PWP1: variants seen among roughly 807,000 people sequenced by gnomAD.
The protein encoded by PWP1 is PWP1 homolog, endonuclein, also known as periodic tryptophan protein 1 homolog.
In PWP1, 47 loss-of-function variants were observed where a neutral mutation model predicts 69.9. The ratio of observed to expected loss-of-function variants is 0.67; its 90% CI spans 0.53 to 0.86. PWP1 has a LOEUF of 0.86. Ranked by LOEUF, PWP1 falls within the 40% of genes least tolerant of loss-of-function variation. The pLI is 0.00. For missense variants in PWP1, 551 were observed against 608.8 expected (o/e 0.91, Z 1.00); for synonymous variants, 222 against 208.2 (o/e 1.07, Z -0.57).
chr12:107,696,741 A>G (rs2287214), intron 6 of PWP1, among the ~76,000 whole-genome samples, 157 bp downstream of exon 6: 44,850 of 152,188 alleles, frequency 0.29, 8,314 homozygotes, highest in Middle Eastern at 0.43. Context: ...TTAACACACC[A>G]TCACTTTATT....
At chr12:107,704,851 A>T (rs1321891820) in intron 11 of PWP1, 104 bp downstream of exon 11, 1 of 953,916 alleles carries the variant, frequency 1.0e-6, no homozygotes, top group Admixed American at 2.3e-5. Context: ...TTTTAACAGT[A>T]TGAAGTATTT....
At chr12:107,703,215 G>A (rs1375270863) in intron 9 of PWP1, among the ~76,000 whole-genome samples, 184 bp downstream of exon 9, 1 of 152,162 alleles carries the variant, frequency 6.6e-6, no homozygotes, top group African/African-American at 2.4e-5. Flanking sequence ...CCATCTTAGA[G>A]ATGAAAAAAT....
chr12:107,694,353 T>C (rs1298443832), intron 5 of PWP1, among the ~76,000 whole-genome samples: 4 of 152,322 alleles, frequency 2.6e-5, no homozygotes, highest in South Asian at 4.1e-4. Context: ...CCTTTTGTTA[T>C]AGGAAACACA....
Position 107,696,582 on chromosome 12 carries a change from C to G in PWP1, c.611C>G (p.Thr204Ser). The part of the protein sequence containing the change: ...LNFDPSPDDS[T>S]GNYIAVGNMT... ...TTTGATCCTAGCCCAGATGATTCTA[C>G]TGGTAATTAGAAAACTTAAGGTTGT... Residue 204 changes from threonine (T) to serine (S), a missense_variant and splice_region_variant, in exon 6 of 15, where the codon ACT (threonine) becomes AGT (serine). Physicochemically the swap from Thr to Ser is moderately conservative, Grantham distance 58 (BLOSUM62 1). Coordinates refer to ENST00000412830, the MANE Select transcript of PWP1 (RefSeq NM_007062.3). 1 of 1,614,000 alleles carries G rather than the reference C, an allele frequency of 6.2e-7. No homozygotes were observed. The highest frequency in any genetic ancestry group is 1.1e-5 in the South Asian group (1 of 91,056).
At chr12:107,688,921 G>A in intron 3 of PWP1, 119 bp downstream of exon 3, 1 of 1,068,944 alleles carries the variant, frequency 9.4e-7, no homozygotes. Flanking sequence ...AAGATAATCT[G>A]GTTGAAGACT....
chr12:107,693,236 G>A, intron 5 of PWP1, 140 bp downstream of exon 5: 1 of 1,282,332 alleles, frequency 7.8e-7, no homozygotes, highest in Non-Finnish European at 1.0e-6. Flanking sequence ...TACACAGGTG[G>A]CCAATTTCTT....
intron 3 of PWP1, among the ~76,000 whole-genome samples, 162 bp downstream of exon 3, chr12:107,688,964 G>GA (rs1202484885): frequency 2.0e-5 from 3 of 152,020 alleles, no homozygotes; most frequent in Non-Finnish European, 2.9e-5. Flanking sequence ...AACTAGTTTA[G>GA]AAGATAAACT....
Position 107,688,464 on chromosome 12 carries a change from A to C in PWP1, c.89A>C (p.Glu30Ala). Reference sequence around the variant, plus strand: ...CTCTTACAGGTAGAGCTGAGTAAAGAAGAAGTAAAACGCCTCATTGCTGAG... The same window carrying C: ...CTCTTACAGGTAGAGCTGAGTAAAGCAGAAGTAAAACGCCTCATTGCTGAG... ...ETPDKVELSKEEVKRLIAEAK... is the reference protein window; with the variant it reads ...ETPDKVELSKAEVKRLIAEAK... Residue 30 changes from glutamate to alanine, a missense_variant, in exon 2 of 15, where the codon GAA (glutamate) becomes GCA (alanine). Coordinates refer to ENST00000412830, the MANE Select transcript of PWP1 (RefSeq NM_007062.3). 4 of 1,614,006 alleles carry C rather than the reference A, an allele frequency of 2.5e-6. No individual in the cohort carries two copies. The highest frequency in any genetic ancestry group is 3.4e-6 in the Non-Finnish European group (4 of 1,180,000).
intron 9 of PWP1, 69 bp downstream of exon 9, chr12:107,703,100 A>C (rs1015413245): frequency 3.1e-5 from 34 of 1,109,210 alleles, no homozygotes; most frequent in Admixed American, 5.5e-5. Context: ...AAATAATCCC[A>C]AACGTTTATA....
rs768581069 is a variant in PWP1 at position 107,710,527 on chromosome 12, C to T, written c.1396+17C>T. ...TCTCTTCAGGTAAGGATTTTTAGTT[C>T]TCTGCACACCTCCCCCTGCCCCTGT... On this transcript the variant is annotated intron_variant, in intron 14 of 14. Coordinates refer to ENST00000412830, the MANE Select transcript of PWP1 (RefSeq NM_007062.3). 3.9e-6 allele frequency: 6 copies of T among 1,519,388 alleles called. No homozygotes were observed. The highest frequency in any genetic ancestry group is 5.4e-6 in the Non-Finnish European group (6 of 1,116,908). The allele number at this position is 1,519,388 out of a possible 1,614,324, so 94.1% of individuals were successfully genotyped here.
chr12:107,691,028 A>G (rs1889470680), intron 3 of PWP1, among the ~76,000 whole-genome samples: 2 of 152,204 alleles, frequency 1.3e-5, no homozygotes, highest in Admixed American at 1.3e-4. Context: ...GGCTCTGGGT[A>G]GAGATGGGAT....
intron 11 of PWP1, 84 bp downstream of exon 11, chr12:107,704,831 G>T: frequency 8.5e-7 from 1 of 1,182,568 alleles, no homozygotes; most frequent in South Asian, 1.3e-5. Flanking sequence ...TATCTGAAAA[G>T]CTTTTTCTGT....
chr12:107,701,762 C>A (rs1224493441), intron 8 of PWP1, among the ~76,000 whole-genome samples: 2 of 152,168 alleles, frequency 1.3e-5, no homozygotes, highest in African/African-American at 4.8e-5. Flanking sequence ...ACTGCACCCC[C>A]CACCTCTGGG....
chr12:107,688,234 C>A (rs200045400), intron 1 of PWP1, among the ~76,000 whole-genome samples: 2 of 151,888 alleles, frequency 1.3e-5, no homozygotes, highest in East Asian at 3.9e-4. Flanking sequence ...GTAGAATGAG[C>A]ATGATTTTTG....
At chr12:107,693,271 TCCA>T (rs2136273891) in intron 5 of PWP1, among the ~76,000 whole-genome samples, 175 bp downstream of exon 5, 1 of 152,286 alleles carries the variant, frequency 6.6e-6, no homozygotes, top group South Asian at 2.1e-4. Context: ...GTATGTGTAG[TCCA>T]GTACATCACT....
At chr12:107,707,083 TG>T (rs1477991681) in intron 11 of PWP1, among the ~76,000 whole-genome samples, 2 of 150,952 alleles carry the variant, frequency 1.3e-5, no homozygotes, top group Non-Finnish European at 3.0e-5. Flanking sequence ...CGTTGAGCAG[TG>T]GTTTGTAGTT....
intron 11 of PWP1, among the ~76,000 whole-genome samples, chr12:107,707,514 TATG>T (rs1889846838): frequency 1.3e-5 from 2 of 152,238 alleles, no homozygotes; most frequent in African/African-American, 4.8e-5. Context: ...GCCCATTCAG[TATG>T]ATATTGGCTG....
intron 11 of PWP1, among the ~76,000 whole-genome samples, chr12:107,707,405 T>C (rs1889844777): frequency 2.0e-5 from 3 of 152,224 alleles, no homozygotes; most frequent in Admixed American, 6.5e-5. Flanking sequence ...TCCTGCCTGA[T>C]TGCCCTGGCC....
At chr12:107,709,089 G>T in intron 12 of PWP1, 22 bp from the exon 13 acceptor site, 9 of 1,613,822 alleles carry the variant, frequency 5.6e-6, no homozygotes, top group Non-Finnish European at 7.6e-6. Context: ...AAGCGAAAGT[G>T]TCTAAACTTA....
Sources: allele counts gnomAD v4.1 joint callset (sites outside exome capture counted in the v4.1 genomes callset), GRCh38; gene constraint gnomAD v4.1.1; transcripts MANE v1.5; gene names NCBI Gene and HGNC (gene_info 2026-07-23, HGNC 2026-07-21).